UTRN: variants seen among roughly 807,000 people sequenced by gnomAD.
The protein encoded by UTRN is dystrophin-related protein 1.
UTRN carries 283 observed loss-of-function variants against 463.9 expected under a neutral mutation model. The ratio of observed to expected loss-of-function variants is 0.61; its 90% confidence interval spans 0.55 to 0.67. UTRN has a LOEUF of 0.67. Ranked by LOEUF, UTRN falls within the 30% of genes least tolerant of loss-of-function variation. The probability of loss-of-function intolerance (pLI) is 0.00; values close to 1 mark genes in which losing one functional copy is unlikely to be tolerated. For missense variants in UTRN, 3,922 were observed against 4,084.3 expected (o/e 0.96, Z 1.08); for synonymous variants, 1,442 against 1,431.5 (o/e 1.01, Z -0.17).
At chr6:144,463,631 T>C (rs115360221) in intron 23 of UTRN, among the ~76,000 whole-genome samples, 4,604 of 151,192 alleles carry the variant, frequency 0.03, 241 homozygotes, top group African/African-American at 0.11. Context: ...TTTTTTTTTT[T>C]CCCCATCAGT....
intron 25 of UTRN, among the ~76,000 whole-genome samples, 196 bp downstream of exon 25, chr6:144,474,955 G>A (rs1791039881): frequency 6.6e-6 from 1 of 152,176 alleles, no homozygotes; most frequent in Admixed American, 6.5e-5. Flanking sequence ...GTCCAGTTTG[G>A]CTCAGGGCTT....
intron 1 of UTRN, among the ~76,000 whole-genome samples, chr6:144,289,606 G>A (rs1269364763): frequency 6.6e-6 from 1 of 152,112 alleles, no homozygotes; most frequent in Non-Finnish European, 1.5e-5. Context: ...ACAGGTGTGA[G>A]CCACCTCGCC....
At chr6:144,554,558 A>G in intron 48 of UTRN, 130 bp from the exon 49 acceptor site, 1 of 934,212 alleles carries the variant, frequency 1.1e-6, no homozygotes, top group Non-Finnish European at 1.6e-6. Context: ...AAATTCCTTC[A>G]AAATGTGTTT....
intron 19 of UTRN, among the ~76,000 whole-genome samples, chr6:144,456,653 A>AAAT (rs57694055): frequency 0.24 from 33,534 of 140,350 alleles, 4,067 homozygotes; most frequent in Middle Eastern, 0.3. Context: ...CTCTGTCTCA[A>AAAT]AATAATAATA....
chr6:144,817,803 A>G lies in UTRN; in HGVS notation c.9358-3079A>G, dbSNP rs1246970163. Among the ~76,000 whole-genome samples, 4 of 152,290 alleles carry G rather than the reference A, an allele frequency of 2.6e-5. No homozygotes were observed. The South Asian group carries it at 6.2e-4, about 24-fold the overall frequency. On this transcript the variant is annotated intron_variant, in intron 65 of 74. Transcript: ENST00000367545. ...GGCAATAATGAGTTAATGCTCTTAG[A>G]TTACAACTCTTTGTGCTAGCTTTTC...
intron 51 of UTRN, among the ~76,000 whole-genome samples, chr6:144,655,628 C>CTTCTT (rs924405694): frequency 3.3e-5 from 5 of 152,226 alleles, no homozygotes; most frequent in Non-Finnish European, 5.9e-5. Flanking sequence ...AGAAGCTTTT[C>CTTCTT]TTCTTTTCTT....
At chr6:144,761,686 GA>G (rs1184557756) in intron 58 of UTRN, among the ~76,000 whole-genome samples, 1 of 151,690 alleles carries the variant, frequency 6.6e-6, no homozygotes, top group Non-Finnish European at 1.5e-5. Flanking sequence ...AAGAGAGAGA[GA>G]AAAAGAAAAT....
chr6:144,482,076 G>A, intron 26 of UTRN, 133 bp from the exon 27 acceptor site: 1 of 721,838 alleles, frequency 1.4e-6, no homozygotes, highest in Non-Finnish European at 2.0e-6. Flanking sequence ...CCTAAATAAT[G>A]TTCTATTTTG....
At chr6:144,610,899 CA>C (rs1319234380) in intron 51 of UTRN, among the ~76,000 whole-genome samples, 4 of 151,988 alleles carry the variant, frequency 2.6e-5, no homozygotes, top group Non-Finnish European at 5.9e-5. Flanking sequence ...CAAACCAAAC[CA>C]AAACAAACAA....
intron 2 of UTRN, among the ~76,000 whole-genome samples, chr6:144,316,843 TC>T (rs573866880): frequency 1.3e-3 from 195 of 152,328 alleles, no homozygotes; most frequent in African/African-American, 4.5e-3. Context: ...AAGTTTTTTA[TC>T]ATATTTAAAA....
chr6:144,615,228 A>T (rs1207977361), intron 51 of UTRN, among the ~76,000 whole-genome samples: 1 of 152,144 alleles, frequency 6.6e-6, no homozygotes, highest in Non-Finnish European at 1.5e-5. Context: ...TTATAAAATG[A>T]CACACTTCTC....
intron 19 of UTRN, among the ~76,000 whole-genome samples, chr6:144,456,379 G>T (rs1788814645): frequency 6.6e-6 from 1 of 152,078 alleles, no homozygotes; most frequent in Non-Finnish European, 1.5e-5. Flanking sequence ...GTGAGGCTGG[G>T]CGCAGTGGCT....
chr6:144,705,625 C>T (rs1457850655), intron 53 of UTRN, among the ~76,000 whole-genome samples: 3 of 152,142 alleles, frequency 2.0e-5, no homozygotes, highest in African/African-American at 7.2e-5. Context: ...CCTCCCAATA[C>T]CATCACTATG....
At chr6:144,618,058 G>A (rs1449459409) in intron 51 of UTRN, among the ~76,000 whole-genome samples, 1 of 152,168 alleles carries the variant, frequency 6.6e-6, no homozygotes, top group Non-Finnish European at 1.5e-5. Flanking sequence ...TTTAAAAAGA[G>A]AATACATGTG....
chr6:144,760,146 A>C (rs1356233494), intron 58 of UTRN, among the ~76,000 whole-genome samples: 1 of 152,136 alleles, frequency 6.6e-6, no homozygotes, highest in African/African-American at 2.4e-5. Flanking sequence ...TATATGACTG[A>C]GAATTGTCTA....
intron 53 of UTRN, among the ~76,000 whole-genome samples, chr6:144,720,770 G>A (rs1052336883): frequency 6.6e-6 from 1 of 152,086 alleles, no homozygotes; most frequent in African/African-American, 2.4e-5. Flanking sequence ...GTTTGAGAAG[G>A]TTGACCTCCC....
chr6:144,832,453 T>A (rs1395566686), intron 69 of UTRN, among the ~76,000 whole-genome samples: 3 of 152,230 alleles, frequency 2.0e-5, no homozygotes, highest in Non-Finnish European at 4.4e-5. Flanking sequence ...ACAACAAAAA[T>A]ACATCTCAAA....
chr6:144,538,856 A>G (rs1417686882), intron 44 of UTRN, among the ~76,000 whole-genome samples: 1 of 152,226 alleles, frequency 6.6e-6, no homozygotes, highest in Non-Finnish European at 1.5e-5. Context: ...TTTTCTTTTT[A>G]AAATGTGACA....
At chr6:144,414,757 C>T (rs1784228820) in intron 3 of UTRN, among the ~76,000 whole-genome samples, 1 of 151,300 alleles carries the variant, frequency 6.6e-6, no homozygotes, top group East Asian at 1.9e-4. Flanking sequence ...TCTCTGTTGC[C>T]CAGGCTGGAG....
Sources: gnomAD v4.1 joint callset for allele counts (sites outside exome capture counted in the v4.1 genomes callset) on GRCh38, gnomAD v4.1.1 for gene constraint, MANE v1.5 for transcripts, NCBI Gene and HGNC (gene_info 2026-07-23, HGNC 2026-07-21) for gene names.